The following TMEM74 variants were observed in gnomAD, a reference collection of about 807,000 sequenced individuals.
The protein encoded by TMEM74 is transmembrane protein 74.
A neutral mutation model predicts 18.1 loss-of-function variants in TMEM74; 13 were observed. That is an observed-to-expected ratio of 0.72 (90% CI 0.47 to 1.14). TMEM74 has a LOEUF of 1.14. Among genes scored for constraint, TMEM74 ranks in the 50% most tolerant of loss-of-function variants. The pLI is 0.00. For synonymous variants in TMEM74, 159 were observed against 146.6 expected, an observed-to-expected ratio of 1.08 and a Z score of -0.61; for missense variants, 372 against 375.9, an observed-to-expected ratio of 0.99 and a Z score of 0.09.
chr8:108,675,985 G>C (rs1328964734), intron 1 of TMEM74, among the ~76,000 whole-genome samples: 1 of 152,120 alleles, frequency 6.6e-6, no homozygotes, highest in African/African-American at 2.4e-5. Flanking sequence ...AAAACAAAAA[G>C]GATAGGCAGA....
chr8:108,765,090 C>T (rs897415161), intron 1 of TMEM74, among the ~76,000 whole-genome samples: 7 of 152,116 alleles, frequency 4.6e-5, no homozygotes, highest in African/African-American at 1.7e-4. Flanking sequence ...ATTCTCTGTG[C>T]TTGATTAACT....
intron 1 of TMEM74, among the ~76,000 whole-genome samples, chr8:108,709,552 C>T (rs749681478): frequency 2.0e-5 from 3 of 152,022 alleles, no homozygotes; most frequent in Non-Finnish European, 2.9e-5. Context: ...AATTGTTGTT[C>T]AGTGGCATAA....
intron 1 of TMEM74, among the ~76,000 whole-genome samples, chr8:108,769,437 C>T (rs1814146996): frequency 6.6e-6 from 1 of 152,092 alleles, no homozygotes; most frequent in African/African-American, 2.4e-5. Context: ...CCACCCACAG[C>T]CACCTTCTTG....
At chr8:108,634,822 A>G (rs1330536035) in intron 2 of TMEM74, among the ~76,000 whole-genome samples, 1 of 152,020 alleles carries the variant, frequency 6.6e-6, no homozygotes, top group Non-Finnish European at 1.5e-5. Context: ...TCACAGCACC[A>G]AGGAGCCTCC....
At chr8:108,607,949 G>C (rs1207987258) in intron 3 of TMEM74, among the ~76,000 whole-genome samples, 1 of 152,136 alleles carries the variant, frequency 6.6e-6, no homozygotes, top group African/African-American at 2.4e-5. Context: ...GTGTGCACAT[G>C]TGTCTATGCA....
chr8:108,679,124 C>T (rs985089854), intron 1 of TMEM74, among the ~76,000 whole-genome samples: 1 of 152,088 alleles, frequency 6.6e-6, no homozygotes, highest in Admixed American at 6.6e-5. Context: ...ATATGTGCCA[C>T]ATTTTCTTAA....
intron 1 of TMEM74, among the ~76,000 whole-genome samples, chr8:108,686,429 C>G (rs995581527): frequency 6.6e-6 from 1 of 151,876 alleles, no homozygotes; most frequent in Non-Finnish European, 1.5e-5. Flanking sequence ...GTCTCGATCT[C>G]CTGACCTCGT....
chr8:108,668,001 C>T (rs1812966505), intron 1 of TMEM74, among the ~76,000 whole-genome samples: 1 of 152,194 alleles, frequency 6.6e-6, no homozygotes, highest in South Asian at 2.1e-4. Flanking sequence ...TGCTCCTCCA[C>T]ATTTCCTGGT....
At chr8:108,762,774 A>C (rs1297091379) in intron 1 of TMEM74, among the ~76,000 whole-genome samples, 1 of 152,110 alleles carries the variant, frequency 6.6e-6, no homozygotes, top group Non-Finnish European at 1.5e-5. Context: ...GTATGCACTT[A>C]TAATCTCTGC....
At chr8:108,737,528 A>G (rs1813760726) in intron 1 of TMEM74, among the ~76,000 whole-genome samples, 1 of 152,152 alleles carries the variant, frequency 6.6e-6, no homozygotes. Context: ...TTAAAATATT[A>G]AAATTCATTT....
intron 2 of TMEM74, among the ~76,000 whole-genome samples, chr8:108,646,765 C>A (rs1283477104): frequency 6.6e-6 from 1 of 152,044 alleles, no homozygotes; most frequent in East Asian, 1.9e-4. Context: ...GACTTCAATG[C>A]TGTCTTTATA....
intron 1 of TMEM74, among the ~76,000 whole-genome samples, chr8:108,763,631 T>C (rs1409326818): frequency 3.9e-5 from 6 of 152,120 alleles, no homozygotes; most frequent in Non-Finnish European, 8.8e-5. Flanking sequence ...TTTAGAGTAA[T>C]AAGTAAACAT....
chr8:108,784,975 A>G lies in TMEM74; in HGVS notation c.124T>C (p.Cys42Arg). 6.2e-7 allele frequency: 1 copy of G among 1,614,136 alleles called. No individual in the cohort carries two copies. Among genetic ancestry groups the G allele is most frequent in the Non-Finnish European group, 8.5e-7 (1 of 1,180,032 alleles). ...GGGGTGGATGCACACTGTTTCTGACAGCAGAGAGCAGCTCTTGTGGCTGCT... is the reference window on the plus strand; with the variant it reads ...GGGGTGGATGCACACTGTTTCTGACGGCAGAGAGCAGCTCTTGTGGCTGCT... The part of the protein sequence containing the change: ...DTAATRAALC[C>R]QKQCASTPRA... The change falls in exon 2 of 2, where the codon TGT becomes CGT. Residue 42 changes from cysteine to arginine, a missense_variant. Transcript: ENST00000297459.
intron 1 of TMEM74, among the ~76,000 whole-genome samples, chr8:108,768,774 G>A (rs1361381362): frequency 6.6e-6 from 1 of 152,088 alleles, no homozygotes; most frequent in Non-Finnish European, 1.5e-5. Flanking sequence ...GTTTCCCTAA[G>A]GATCATGGAA....
intron 1 of TMEM74, among the ~76,000 whole-genome samples, chr8:108,742,411 A>G (rs1335194136): frequency 6.6e-6 from 1 of 152,314 alleles, no homozygotes; most frequent in East Asian, 1.9e-4. Flanking sequence ...GATCCATGCT[A>G]TGATAGCTAT....
chr8:108,733,605 C>G (rs1229703143), intron 1 of TMEM74, among the ~76,000 whole-genome samples: 1 of 152,260 alleles, frequency 6.6e-6, no homozygotes, highest in East Asian at 1.9e-4. Context: ...ACTGAACAAA[C>G]TATATACTTA....
chr8:108,636,555 A>C (rs1812608221), intron 2 of TMEM74, among the ~76,000 whole-genome samples: 1 of 151,686 alleles, frequency 6.6e-6, no homozygotes, highest in Admixed American at 6.6e-5. Context: ...TGAGGAACAA[A>C]AGACCCCAAA....
chr8:108,678,068 G>A (rs117413582), intron 1 of TMEM74, among the ~76,000 whole-genome samples: 83 of 152,154 alleles, frequency 5.5e-4, no homozygotes, highest in Non-Finnish European at 7.2e-4. Context: ...CTTTCTCTTG[G>A]AGGGGATGCT....
chr8:108,707,943 C>T (rs898883802), intron 1 of TMEM74, among the ~76,000 whole-genome samples: 1 of 152,152 alleles, frequency 6.6e-6, no homozygotes, highest in Non-Finnish European at 1.5e-5. Context: ...AACTGTGTGT[C>T]ATCGGTTTTG....
Sources: allele counts gnomAD v4.1 joint callset (sites outside exome capture counted in the v4.1 genomes callset), GRCh38; gene constraint gnomAD v4.1.1; transcripts MANE v1.5; gene names NCBI Gene and HGNC (gene_info 2026-07-23, HGNC 2026-07-21).